Variants in ENO4 observed in about 807,000 individuals in gnomAD.
ENO4 encodes the protein enolase 4.
Under a neutral mutation model 63.2 loss-of-function variants are expected in ENO4, and 53 were observed. The ratio of observed to expected loss-of-function variants is 0.84; its 90% CI spans 0.67 to 1.05. The LOEUF (loss-of-function observed/expected upper bound fraction) is 1.05. Ranked by LOEUF, ENO4 falls within the 50% of genes least tolerant of loss-of-function variation. The pLI is 0.00. For synonymous variants in ENO4, 266 were observed against 283.8 expected (o/e 0.94, Z 0.63); for missense variants, 719 against 772.0 (o/e 0.93, Z 0.81).
chr10:116,852,100 A>G (rs765186416), intron 1 of ENO4, among the ~76,000 whole-genome samples: 2 of 152,042 alleles, frequency 1.3e-5, no homozygotes, highest in Non-Finnish European at 2.9e-5. Context: ...GTGACTTCTC[A>G]TGAGAGCTGA....
intron 10 of ENO4, among the ~76,000 whole-genome samples, chr10:116,910,935 A>G (rs144505231): frequency 9.1e-4 from 138 of 152,362 alleles, no homozygotes; most frequent in African/African-American, 3.2e-3. Flanking sequence ...GTTTAAAGAC[A>G]TGCTTGATGA....
intron 10 of ENO4, among the ~76,000 whole-genome samples, chr10:116,888,455 C>T (rs950115800): frequency 2.2e-4 from 33 of 152,176 alleles, no homozygotes; most frequent in Admixed American, 3.9e-4. Flanking sequence ...GCTGCTTCTG[C>T]GTCTGACACT....
At chr10:116,871,748 TGAA>T (rs1168618131) in intron 9 of ENO4, among the ~76,000 whole-genome samples, 2 of 152,224 alleles carry the variant, frequency 1.3e-5, no homozygotes, top group Non-Finnish European at 2.9e-5. Flanking sequence ...TTGAAGTTTA[TGAA>T]GAAGATGTTT....
In ENO4 at chr10:116,906,755, GAAAAC is replaced by G. The variant is rs1847985616; in HGVS notation, c.1195-4734_1195-4730del. On this transcript the variant is annotated intron_variant, in intron 10 of 10. Coordinates refer to the ENO4 transcript ENST00000369207. ...GGATTTGTTAAGTGTCCCCTAAAGT[GAAAAC>G]AAAACAAAAACAAAAAGGTTAATGT... is the stretch of plus-strand genomic sequence containing the variant. The G allele has an allele frequency of 1.9e-6, 3 of 1,595,530 alleles. No individual in the cohort carries two copies. In the East Asian group the frequency reaches 6.8e-5, roughly 36 times the overall value.
chr10:116,860,957 C>T lies in ENO4; in HGVS notation c.798C>T (p.His266=). 2.6e-6 allele frequency: 4 copies of T among 1,539,702 alleles called. No homozygotes were observed. The highest frequency in any genetic ancestry group is 3.5e-6 in the Non-Finnish European group (4 of 1,138,966). ...PLYLNIALLK[H]NQEQPTTLSM... ...ACTTAAATATCGCTCTACTGAAGCA[C>T]AATCAGGTTAGTATCTATGAAGTTC... is the stretch of plus-strand genomic sequence containing the variant. Residue 266 remains histidine (H), a synonymous_variant, in exon 5 of 14, where the codon CAC becomes CAT. Transcript: ENST00000341276.
At chr10:116,854,778 A>G (rs994958064) in intron 1 of ENO4, among the ~76,000 whole-genome samples, 2 of 151,310 alleles carry the variant, frequency 1.3e-5, no homozygotes, top group African/African-American at 2.4e-5. Context: ...TCCTGTATCT[A>G]CAAAATGTAA....
chr10:116,905,069 C>T (rs1220115308), intron 10 of ENO4, among the ~76,000 whole-genome samples: 2 of 151,496 alleles, frequency 1.3e-5, no homozygotes, highest in Admixed American at 6.6e-5. Context: ...GGCGCGGTGG[C>T]GGGCGCCTGT....
At chr10:116,863,766 G>A (rs550506378) in intron 7 of ENO4, among the ~76,000 whole-genome samples, 1 of 152,232 alleles carries the variant, frequency 6.6e-6, no homozygotes, top group Non-Finnish European at 1.5e-5. Flanking sequence ...CGCGATGGTG[G>A]TTGGCTGGCT....
In ENO4 at chr10:116,904,063, C is replaced by T. The variant is rs572693750; in HGVS notation, c.1195-7436C>T. On this transcript the variant is annotated intron_variant, in intron 10 of 10. Coordinates refer to the ENO4 transcript ENST00000369207. ...TGTCCCTGGGGCAGATAACCATTAA[C>T]CTGAGATCTTAGCTCTGCAAACTCT... 1.4e-4 allele frequency among the ~76,000 whole-genome samples: 21 copies of T among 152,310 alleles called. No individual in the cohort carries two copies. In the South Asian group the frequency reaches 3.9e-3, roughly 29 times the overall value.
At position 116,881,771 on chromosome 10, in the gene ENO4, C is replaced by A; in HGVS notation, c.*102C>A. 1.2e-6 allele frequency: 1 copy of A among 859,910 alleles called. No individual in the cohort carries two copies. The highest frequency in any genetic ancestry group is 1.6e-6 in the Non-Finnish European group (1 of 620,154). The allele number at this position is 859,910 out of a possible 1,614,324, so 53.3% of individuals were successfully genotyped here. On this transcript the variant is annotated 3_prime_UTR_variant, in exon 14 of 14. Coordinates refer to ENST00000341276, the MANE Select transcript of ENO4 (RefSeq NM_001242699.2). The stretch of plus-strand genomic sequence containing the variant: ...CCACATGGAGTTTCCTCTTCAACTT[C>A]ACCAACTCTTGTGGTTTTTATTCTT...
At chr10:116,851,701 T>G (rs1420738340) in intron 1 of ENO4, among the ~76,000 whole-genome samples, 7 of 152,156 alleles carry the variant, frequency 4.6e-5, no homozygotes, top group Admixed American at 4.6e-4. Context: ...CCTTCATGTG[T>G]GTGGTTCACA....
chr10:116,900,447 T>C (rs1166003106), intron 10 of ENO4: 3 of 1,212,574 alleles, frequency 2.5e-6, no homozygotes, highest in Non-Finnish European at 2.3e-6. Flanking sequence ...ATTATTTCAT[T>C]TCCTTTCTTG....
intron 7 of ENO4, among the ~76,000 whole-genome samples, chr10:116,867,558 C>T (rs770408225): frequency 9.9e-5 from 15 of 152,124 alleles, no homozygotes; most frequent in Admixed American, 2.6e-4. Flanking sequence ...CACTGTACTC[C>T]GGCCTGTGTG....
At chr10:116,856,440 C>T in intron 2 of ENO4, 52 bp from the exon 3 acceptor site, 2 of 1,421,388 alleles carry the variant, frequency 1.4e-6, no homozygotes, top group Admixed American at 2.2e-5. Context: ...ATTTAATTTC[C>T]TCTTTCTGGG....
intron 9 of ENO4, among the ~76,000 whole-genome samples, chr10:116,872,111 C>T (rs555939223): frequency 6.6e-6 from 1 of 152,114 alleles, no homozygotes; most frequent in South Asian, 2.1e-4. Context: ...GCAAAAGAAT[C>T]GCTTGAACCC....
intron 10 of ENO4, 129 bp from the exon 11 acceptor site, chr10:116,875,936 G>C: frequency 1.6e-6 from 1 of 614,550 alleles, no homozygotes. Context: ...TTCAGGAACA[G>C]AAGTAAAAGA....
chr10:116,904,940 G>A (rs922824624), intron 10 of ENO4, among the ~76,000 whole-genome samples: 4 of 152,102 alleles, frequency 2.6e-5, no homozygotes, highest in Non-Finnish European at 4.4e-5. Context: ...GGTGGCTCAC[G>A]CCTGTAATCC....
chr10:116,850,146 A>T (rs1415209855), intron 1 of ENO4: 2 of 276,574 alleles, frequency 7.2e-6, no homozygotes, highest in Non-Finnish European at 1.4e-5. Flanking sequence ...TGATCACAGG[A>T]TGAACACCTT....
At chr10:116,877,426 A>G (rs1047228960) in intron 11 of ENO4, among the ~76,000 whole-genome samples, 1 of 152,178 alleles carries the variant, frequency 6.6e-6, no homozygotes, top group African/African-American at 2.4e-5. Flanking sequence ...GGGGAAGTCT[A>G]GGAGGGATCA....
Sources: allele counts gnomAD v4.1 joint callset (sites outside exome capture counted in the v4.1 genomes callset), GRCh38; gene constraint gnomAD v4.1.1; transcripts MANE v1.5; gene names NCBI Gene and HGNC (gene_info 2026-07-23, HGNC 2026-07-21).